Variants in FBL observed in about 807,000 individuals in gnomAD.
FBL encodes rRNA 2'-O-methyltransferase fibrillarin.
Under a neutral mutation model 42.2 loss-of-function variants are expected in FBL, and 10 were observed. The observed-to-expected ratio is 0.24, with a 90% confidence interval of 0.15 to 0.40. The LOEUF (loss-of-function observed/expected upper bound fraction) is 0.40, where lower values mean the gene tolerates loss of function less well. FBL is among the 10% of genes least tolerant of loss of function. FBL has a pLI of 1.00. For synonymous variants in FBL, 165 were observed against 165.4 expected, an observed-to-expected ratio of 1.00 and a Z score of 0.02; for missense variants, 351 against 439.2, an observed-to-expected ratio of 0.80 and a Z score of 1.79.
intron 4 of FBL, among the ~76,000 whole-genome samples, chr19:39,839,882 G>A (rs539123734): frequency 7.9e-5 from 12 of 152,286 alleles, no homozygotes; most frequent in African/African-American, 2.9e-4. Flanking sequence ...GACGCAGCCT[G>A]GAGAAGCAGA....
intron 4 of FBL, among the ~76,000 whole-genome samples, 194 bp from the exon 5 acceptor site, chr19:39,839,399 GA>G (rs1465440437): frequency 1.3e-5 from 2 of 152,318 alleles, no homozygotes; most frequent in African/African-American, 4.8e-5. Context: ...GGCAGCAAAA[GA>G]GAATAAACAC....
Position 39,838,144 on chromosome 19 carries a change from G to A in FBL, c.550-301C>T, listed in dbSNP as rs183681650. On this transcript the variant is annotated intron_variant, in intron 5 of 8. Coordinates refer to ENST00000221801, the MANE Select transcript of FBL (RefSeq NM_001436.4). ...AGGCACAGAGATGATGTAACAATGG[G>A]CCAACCACTGCTCTAAGCACCTTTC... 1.2e-3 allele frequency: 393 copies of A among 332,330 alleles called. 1 individual carries two copies. The highest frequency in any genetic ancestry group is 8.2e-3 in the African/African-American group (372 of 45,544). The allele number at this position is 332,330 out of a possible 1,614,324, so 20.6% of individuals were successfully genotyped here. A position where few individuals can be genotyped will look rare whatever the true frequency, so the allele number is the denominator to read the frequency against.
chr19:39,835,798 C>A (rs1041855931), intron 7 of FBL, among the ~76,000 whole-genome samples: 1 of 152,046 alleles, frequency 6.6e-6, no homozygotes, highest in Non-Finnish European at 1.5e-5. Context: ...TGGTGGCACA[C>A]GCCTGTAGTC....
intron 7 of FBL, among the ~76,000 whole-genome samples, chr19:39,835,364 C>A (rs1291631275): frequency 1.3e-5 from 2 of 151,946 alleles, no homozygotes; most frequent in Admixed American, 1.3e-4. Context: ...ACTAAAAATA[C>A]AAAAATTAGT....
intron 6 of FBL, among the ~76,000 whole-genome samples, chr19:39,836,934 C>T (rs1486935196): frequency 3.9e-5 from 6 of 152,338 alleles, no homozygotes; most frequent in Admixed American, 2.0e-4. Context: ...GACATAGAGA[C>T]GAGTCAGACC....
chr19:39,836,147 G>A (rs2145054878), intron 7 of FBL, among the ~76,000 whole-genome samples: 1 of 151,774 alleles, frequency 6.6e-6, no homozygotes, highest in South Asian at 2.1e-4. Context: ...GGGTGCATGG[G>A]AGAGTTCTCC....
intron 6 of FBL, among the ~76,000 whole-genome samples, chr19:39,836,954 C>T (rs1415394239): frequency 1.3e-5 from 2 of 152,198 alleles, no homozygotes; most frequent in Non-Finnish European, 2.9e-5. Flanking sequence ...CCGGACCCTG[C>T]CCTCGAGACG....
At chr19:39,837,999 A>G (rs1969083510) in intron 5 of FBL, 156 bp from the exon 6 acceptor site, 2 of 594,822 alleles carry the variant, frequency 3.4e-6, no homozygotes, top group African/African-American at 3.9e-5. Context: ...TTTCACATGA[A>G]TAAACTGAGG....
chr19:39,836,058 T>G (rs980693760), intron 7 of FBL, among the ~76,000 whole-genome samples: 1 of 152,206 alleles, frequency 6.6e-6, no homozygotes, highest in Non-Finnish European at 1.5e-5. Flanking sequence ...TACTTCCTCT[T>G]CTTTAATAAT....
In FBL at chr19:39,834,487, A is replaced by G. The variant is rs1161500000; in HGVS notation, c.*51T>C. The stretch of plus-strand genomic sequence containing the variant: ...GATGAGTCTTTTAATAGAAAAACAC[A>G]CGTGCAACAGTATCAACACACATCT... On this transcript the variant is annotated 3_prime_UTR_variant, in exon 9 of 9. Coordinates refer to ENST00000221801, the MANE Select transcript of FBL (RefSeq NM_001436.4). 1 of 1,606,026 alleles carries G rather than the reference A, an allele frequency of 6.2e-7. No homozygotes were observed. Among genetic ancestry groups the G allele is most frequent in the Non-Finnish European group, 8.5e-7 (1 of 1,173,012 alleles).
At position 39,840,717 on chromosome 19, in the gene FBL, T is replaced by C; in HGVS notation, c.81A>G (p.Arg27=). ...GACCTCGGCCCCCGCCAAAGCCCCC[T>C]CGGCCTCCACGACCACCACGGTCAC... ...GFGDRGGRGG[R]GGFGGGRGRG... The change falls in exon 2 of 9, where the codon CGA becomes CGG. Residue 27 remains arginine (R), a synonymous_variant. Coordinates refer to ENST00000221801, the MANE Select transcript of FBL (RefSeq NM_001436.4). This position sits in a 1 kb window ranked among gnomAD's most constrained non-coding sequence, Gnocchi z 4.5. 6.3e-7 allele frequency: 1 copy of C among 1,579,706 alleles called. No homozygotes were observed. Among genetic ancestry groups the C allele is most frequent in the South Asian group, 1.1e-5 (1 of 87,450 alleles).
intron 1 of FBL, among the ~76,000 whole-genome samples, chr19:39,844,600 G>T (rs946622824): frequency 6.6e-6 from 1 of 152,018 alleles, no homozygotes; most frequent in Admixed American, 6.6e-5. Context: ...CCTTGACTCC[G>T]ATCACACACC....
At chr19:39,844,425 A>C (rs530697750) in intron 1 of FBL, among the ~76,000 whole-genome samples, 1 of 152,222 alleles carries the variant, frequency 6.6e-6, no homozygotes, top group South Asian at 2.1e-4. Context: ...CCCAGTCCTC[A>C]GAAAAAACAC....
At chr19:39,841,575 C>T (rs562178354) in intron 1 of FBL, among the ~76,000 whole-genome samples, 2 of 152,266 alleles carry the variant, frequency 1.3e-5, no homozygotes, top group South Asian at 2.1e-4. Flanking sequence ...GCCCTGCATA[C>T]GAGCACATGC....
Position 39,846,304 on chromosome 19 carries a change from G to T in FBL, c.-4C>A. On this transcript the variant is annotated 5_prime_UTR_variant, in exon 1 of 9. Coordinates refer to ENST00000221801, the MANE Select transcript of FBL (RefSeq NM_001436.4). ...CCCCAGCCTGACCTGGCTTCATGGC[G>T]AGCCCTGGTTTGTGCGGCTCCGGAG... The T allele has an allele frequency of 6.2e-7, 1 of 1,613,712 alleles. No homozygotes were observed. The highest frequency in any genetic ancestry group is 1.1e-5 in the South Asian group (1 of 91,064).
intron 4 of FBL, among the ~76,000 whole-genome samples, chr19:39,839,705 T>A (rs1969120040): frequency 6.6e-6 from 1 of 151,660 alleles, no homozygotes; most frequent in Non-Finnish European, 1.5e-5. Flanking sequence ...AAATCAGACC[T>A]GAAGGAGGCA....
intron 1 of FBL, among the ~76,000 whole-genome samples, chr19:39,845,174 C>T (rs1969237309): frequency 6.6e-6 from 1 of 152,104 alleles, no homozygotes; most frequent in South Asian, 2.1e-4. Flanking sequence ...GGAAAACAGA[C>T]CCTTTGGGCC....
intron 6 of FBL, among the ~76,000 whole-genome samples, chr19:39,837,188 T>C (rs1375480662): frequency 6.6e-6 from 1 of 152,220 alleles, no homozygotes; most frequent in Non-Finnish European, 1.5e-5. Context: ...GAAAAGGTGG[T>C]ATAATGAAAA....
At chr19:39,842,572 C>T (rs2145065392) in intron 1 of FBL, among the ~76,000 whole-genome samples, 1 of 152,250 alleles carries the variant, frequency 6.6e-6, no homozygotes, top group South Asian at 2.1e-4. Flanking sequence ...CTTCTACTCC[C>T]TCTACAGTCC....
Sources: allele counts gnomAD v4.1 joint callset (sites outside exome capture counted in the v4.1 genomes callset), GRCh38; gene constraint gnomAD v4.1.1; non-coding constraint Gnocchi (gnomAD v3.1); transcripts MANE v1.5; gene names NCBI Gene and HGNC (gene_info 2026-07-23, HGNC 2026-07-21).